SPPL2A: variants seen among roughly 807,000 people sequenced by gnomAD.
SPPL2A encodes signal peptide peptidase-like 2A.
A neutral mutation model predicts 63.8 loss-of-function variants in SPPL2A; 51 were observed. That is an observed-to-expected ratio of 0.80 (90% CI 0.64 to 1.01). The LOEUF (loss-of-function observed/expected upper bound fraction) is 1.01. SPPL2A is among the 50% of genes least tolerant of loss of function. The pLI, the probability that SPPL2A is intolerant of heterozygous loss-of-function variation, is 0.00. For missense variants in SPPL2A, 553 were observed against 622.7 expected (o/e 0.89, Z 1.19); for synonymous variants, 188 against 205.8 (o/e 0.91, Z 0.74).
At chr15:50,740,553 C>T (rs964679514) in intron 5 of SPPL2A, among the ~76,000 whole-genome samples, 10 of 151,426 alleles carry the variant, frequency 6.6e-5, no homozygotes, top group Admixed American at 2.6e-4. Flanking sequence ...AAACTAAAAC[C>T]AATGCTTCTT....
At position 50,710,225 on chromosome 15, in the gene SPPL2A, T is replaced by G. The variant is rs374646854; in HGVS notation, c.1489-2351A>C. On this transcript the variant is annotated intron_variant, in intron 14 of 14. Transcript: ENST00000261854. ...TGGCAACTGTAATCTAATGAAATGA[T>G]AGCCCACATACCCTAAATTATAACA... Among the ~76,000 whole-genome samples the G allele has an allele frequency of 6.7e-4, 102 of 152,312 alleles. 2 individuals carry two copies. In the South Asian group the frequency reaches 0.021, roughly 32 times the overall value.
chr15:50,734,643 T>C (rs553380272), intron 8 of SPPL2A, among the ~76,000 whole-genome samples: 68 of 152,280 alleles, frequency 4.5e-4, no homozygotes, highest in Non-Finnish European at 1.2e-4. Flanking sequence ...TAATAACTTA[T>C]TGTATATTGT....
chr15:50,705,759 C>T lies in SPPL2A; in HGVS notation c.*2041G>A, dbSNP rs954345774. ...AACAATTTTTAAAAAGTCTCTAATG[C>T]AAAATTTAGTTCAAGTATCAAAGGT... On this transcript the variant is annotated 3_prime_UTR_variant, in exon 15 of 15. Transcript: ENST00000261854. The T allele has an allele frequency of 1.3e-5, 2 of 152,144 alleles. No homozygotes were observed. Among genetic ancestry groups the T allele is most frequent in the South Asian group, 2.1e-4 (1 of 4,838 alleles). The allele number at this position is 152,144 out of a possible 1,614,324, so 9.4% of individuals were successfully genotyped here.
Position 50,707,887 on chromosome 15 carries a change from A to G in SPPL2A, c.1489-13T>C, listed in dbSNP as rs768651562. On this transcript the variant is annotated splice_polypyrimidine_tract_variant and intron_variant, in intron 14 of 14. Coordinates refer to ENST00000261854, the MANE Select transcript of SPPL2A (RefSeq NM_032802.4). ...AATGGTCCATCATCTAGGCATAAAT[A>G]AAAGACGTTAGGAAATGCAAAATTT... 2 of 1,505,442 alleles carry G rather than the reference A, an allele frequency of 1.3e-6. No individual in the cohort carries two copies. Among genetic ancestry groups the G allele is most frequent in the African/African-American group, 2.8e-5 (2 of 72,604 alleles). 93.3% of individuals were successfully genotyped at this position (1,505,442 alleles called of 1,614,324 possible). A position where few individuals can be genotyped will look rare whatever the true frequency, so the allele number is the denominator to read the frequency against.
intron 14 of SPPL2A, among the ~76,000 whole-genome samples, chr15:50,711,232 G>A (rs1276558991): frequency 1.5e-5 from 2 of 131,682 alleles, no homozygotes; most frequent in Non-Finnish European, 1.6e-5. Flanking sequence ...TTTGTGAGAT[G>A]GAGTGTTGCT....
intron 8 of SPPL2A, among the ~76,000 whole-genome samples, chr15:50,735,097 G>C (rs898801897): frequency 6.6e-6 from 1 of 151,296 alleles, no homozygotes. Context: ...TAGAGACGAG[G>C]CTTCTCCATG....
At chr15:50,715,413 AAAG>A (rs1200531720) in intron 14 of SPPL2A, among the ~76,000 whole-genome samples, 1 of 152,198 alleles carries the variant, frequency 6.6e-6, no homozygotes, top group Non-Finnish European at 1.5e-5. Flanking sequence ...AATTATGGAA[AAAG>A]AAGGAGGAAA....
At chr15:50,744,116 T>C (rs2062841274) in intron 5 of SPPL2A, among the ~76,000 whole-genome samples, 1 of 151,282 alleles carries the variant, frequency 6.6e-6, no homozygotes, top group Non-Finnish European at 1.5e-5. Flanking sequence ...GAGGTGGAGG[T>C]TGCAGTGAGT....
chr15:50,741,643 T>A (rs2062821222), intron 5 of SPPL2A, among the ~76,000 whole-genome samples: 1 of 152,164 alleles, frequency 6.6e-6, no homozygotes, highest in Non-Finnish European at 1.5e-5. Flanking sequence ...AAGGAAAGCA[T>A]ACAGTGTACT....
At chr15:50,736,808 G>A in intron 6 of SPPL2A, 68 bp from the exon 7 acceptor site, 2 of 766,510 alleles carry the variant, frequency 2.6e-6, no homozygotes, top group Admixed American at 4.2e-5. Context: ...ATTTATACAA[G>A]CAATATTAAT....
At chr15:50,719,860 A>T in intron 14 of SPPL2A, 80 bp downstream of exon 14, 1 of 999,714 alleles carries the variant, frequency 1.0e-6, no homozygotes, top group Non-Finnish European at 1.5e-6. Context: ...AAGCTTTGCT[A>T]CATATAGGCT....
In SPPL2A at chr15:50,739,848, C is replaced by A. The variant is rs1307103754; in HGVS notation, c.585-20G>T. ...TTTTCCCTGTACAAACACACAGGAA[C>A]TTTAGCAAATCTTAGCCAAGTACAG... On this transcript the variant is annotated intron_variant, in intron 5 of 14. Coordinates refer to ENST00000261854, the MANE Select transcript of SPPL2A (RefSeq NM_032802.4). 6.4e-7 allele frequency: 1 copy of A among 1,565,192 alleles called. No individual in the cohort carries two copies. Among genetic ancestry groups the A allele is most frequent in the African/African-American group, 1.4e-5 (1 of 71,968 alleles).
chr15:50,719,904 A>G (rs768104797), intron 14 of SPPL2A, 36 bp downstream of exon 14: 39 of 774,414 alleles, frequency 5.0e-5, no homozygotes, highest in Non-Finnish European at 6.6e-5. Flanking sequence ...AAATTAAGCC[A>G]TAAGATAACT....
Position 50,708,702 on chromosome 15 carries a change from C to CAA in SPPL2A, c.1489-830_1489-829dup, listed in dbSNP as rs201244377. Among the ~76,000 whole-genome samples, 519 of 128,796 alleles carry CAA rather than the reference C, an allele frequency of 4.0e-3. 6 individuals carry two copies. The highest frequency in any genetic ancestry group is 0.011 in the African/African-American group (389 of 34,728). The allele number at this position is 128,796 out of a possible 152,430, so 84.5% of individuals were successfully genotyped here. A position where few individuals can be genotyped will look rare whatever the true frequency, so the allele number is the denominator to read the frequency against. On this transcript the variant is annotated intron_variant, in intron 14 of 14. Coordinates refer to ENST00000261854, the MANE Select transcript of SPPL2A (RefSeq NM_032802.4). ...GCCTGGCAACAGAGTGAGACTCTGT[C>CAA]AAAAAAAAAAAAAAATACATTTGCT...
intron 1 of SPPL2A, among the ~76,000 whole-genome samples, chr15:50,750,677 A>C (rs1281086520): frequency 6.6e-6 from 1 of 152,232 alleles, no homozygotes; most frequent in East Asian, 1.9e-4. Flanking sequence ...ATTGGAAAGA[A>C]TAACTATTGT....
chr15:50,735,819 C>T (rs1297185624), intron 8 of SPPL2A, among the ~76,000 whole-genome samples: 3 of 152,060 alleles, frequency 2.0e-5, no homozygotes, highest in Admixed American at 1.3e-4. Context: ...TCAGGTGATC[C>T]GCCTGCCTCG....
chr15:50,757,990 A>G (rs80355783), intron 1 of SPPL2A, among the ~76,000 whole-genome samples: 4 of 79,674 alleles, frequency 5.0e-5, no homozygotes, highest in Middle Eastern at 7.0e-3. Flanking sequence ...TCTCAATTAT[A>G]AAAAAAAAAA....
At chr15:50,750,060 G>A (rs2062894586) in intron 1 of SPPL2A, among the ~76,000 whole-genome samples, 1 of 152,086 alleles carries the variant, frequency 6.6e-6, no homozygotes, top group South Asian at 2.1e-4. Flanking sequence ...CTTGACAGCT[G>A]GAAACTTTCC....
intron 1 of SPPL2A, among the ~76,000 whole-genome samples, chr15:50,763,621 G>A (rs951784655): frequency 3.9e-5 from 6 of 152,150 alleles, no homozygotes; most frequent in Non-Finnish European, 5.9e-5. Context: ...TAAAATCGCC[G>A]GGCATGGTGG....
Sources: allele counts gnomAD v4.1 joint callset (sites outside exome capture counted in the v4.1 genomes callset), GRCh38; gene constraint gnomAD v4.1.1; transcripts MANE v1.5; gene names NCBI Gene and HGNC (gene_info 2026-07-23, HGNC 2026-07-21).